Variants in TRAPPC12 observed in about 807,000 individuals in gnomAD.
TRAPPC12 encodes TPR repeat protein 15.
TRAPPC12 carries 61 observed loss-of-function variants against 69.2 expected under a neutral mutation model. The observed-to-expected ratio is 0.88, with a 90% CI of 0.72 to 1.09. TRAPPC12 has a LOEUF of 1.09. Among genes scored for constraint, TRAPPC12 ranks in the 50% least tolerant of loss-of-function variants. The pLI, the probability that TRAPPC12 is intolerant of heterozygous loss-of-function variation, is 0.00. For missense variants in TRAPPC12, 1,101 were observed against 1,016.4 expected (o/e 1.08, Z -1.13); for synonymous variants, 469 against 438.9 (o/e 1.07, Z -0.86).
At chr2:3,468,941 A>T (rs1005269688) in intron 9 of TRAPPC12, among the ~76,000 whole-genome samples, 31 of 152,000 alleles carry the variant, frequency 2.0e-4, no homozygotes, top group Admixed American at 1.7e-3. Context: ...TTGAACGGGG[A>T]CTCGAGTCCA....
intron 5 of TRAPPC12, among the ~76,000 whole-genome samples, chr2:3,429,479 A>G (rs762395906): frequency 6.6e-6 from 1 of 152,222 alleles, no homozygotes. Flanking sequence ...AAAGATAAGT[A>G]TATCTTAAAT....
chr2:3,383,871 G>GTTTTTTTTTTTTTTTTTTTTTTTTT (rs34956958), intron 1 of TRAPPC12, among the ~76,000 whole-genome samples: 5 of 85,596 alleles, frequency 5.8e-5, no homozygotes, highest in Admixed American at 1.5e-4. Flanking sequence ...GTTCAGTCTT[G>GTTTTTTTTTTTTTTTTTTTTTTTTT]TTTTTTTTTT....
Position 3,465,702 on chromosome 2 carries a change from G to A in TRAPPC12, c.1776+7G>A, listed in dbSNP as rs1006239716. On this transcript the variant is annotated splice_region_variant and intron_variant, in intron 9 of 11. Coordinates refer to ENST00000324266, the MANE Select transcript of TRAPPC12 (RefSeq NM_016030.6). ...CGGCCGGATTTCCCTGCAGGTACCTGTGCACGGTCAGACATGAGCCAGAAA... is the reference window on the plus strand; with the variant it reads ...CGGCCGGATTTCCCTGCAGGTACCTATGCACGGTCAGACATGAGCCAGAAA... 9.3e-6 allele frequency: 15 copies of A among 1,607,848 alleles called. No individual in the cohort carries two copies. Among genetic ancestry groups the A allele is most frequent in the Non-Finnish European group, 1.1e-5 (13 of 1,174,426 alleles).
At chr2:3,445,368 G>C (rs987911391) in intron 6 of TRAPPC12, among the ~76,000 whole-genome samples, 2 of 152,172 alleles carry the variant, frequency 1.3e-5, no homozygotes, top group Non-Finnish European at 2.9e-5. Context: ...CTGGGCAACA[G>C]AGCAAGACTC....
chr2:3,471,599 G>A (rs929935360), intron 9 of TRAPPC12, among the ~76,000 whole-genome samples: 1 of 152,214 alleles, frequency 6.6e-6, no homozygotes, highest in Non-Finnish European at 1.5e-5. Context: ...CAGTTCTGAA[G>A]GAAATCTGTG....
At chr2:3,462,983 G>A (rs1171703418) in intron 8 of TRAPPC12, 1 of 470,150 alleles carries the variant, frequency 2.1e-6, no homozygotes, top group Non-Finnish European at 4.4e-6. Flanking sequence ...TTGCAGAATG[G>A]TTGTAAATCT....
chr2:3,471,866 G>C (rs1224956809), intron 9 of TRAPPC12, among the ~76,000 whole-genome samples: 1 of 152,162 alleles, frequency 6.6e-6, no homozygotes, highest in Admixed American at 6.5e-5. Context: ...TGGGAAAGTA[G>C]CTGTGGTGCG....
At chr2:3,479,004 C>A in intron 11 of TRAPPC12, 71 bp downstream of exon 11, 1 of 1,528,608 alleles carries the variant, frequency 6.5e-7, no homozygotes, top group Non-Finnish European at 9.0e-7. Context: ...CACCCACACA[C>A]GTCTCAGCAG....
intron 6 of TRAPPC12, among the ~76,000 whole-genome samples, chr2:3,454,170 T>A (rs1157457650): frequency 6.6e-6 from 1 of 152,228 alleles, no homozygotes; most frequent in East Asian, 1.9e-4. Flanking sequence ...GTTTTGTGTG[T>A]CCCTCTGCCC....
intron 5 of TRAPPC12, among the ~76,000 whole-genome samples, chr2:3,428,601 TCATC>T (rs1396122172): frequency 6.6e-6 from 1 of 152,224 alleles, no homozygotes; most frequent in Non-Finnish European, 1.5e-5. Context: ...TAAAAAAAAT[TCATC>T]CAAGAAAGGA....
chr2:3,463,078 C>T (rs534531207), intron 8 of TRAPPC12: 30 of 406,774 alleles, frequency 7.4e-5, no homozygotes, highest in South Asian at 4.2e-4. Flanking sequence ...GGAAGTAAGT[C>T]ATTCATGTCC....
rs764520231 is a variant in TRAPPC12, at chr2:3,401,788, T to TAA, written c.1061_1062dup (p.Asp355LysfsTer3). On this transcript the variant is annotated frameshift_variant, in exon 3 of 12. Transcript: ENST00000324266. LOFTEE classifies it high-confidence loss of function. ...TCTATTCTTCCCAGGGAGATGCAGT[T>TAA]AAAGACTTGATGCTTCGCTTTCTGG... The TAA allele has an allele frequency of 6.3e-7, 1 of 1,586,240 alleles. No homozygotes were observed. The highest frequency in any genetic ancestry group is 1.2e-5 in the South Asian group (1 of 85,708).
At chr2:3,461,605 T>G (rs985899231) in intron 8 of TRAPPC12, among the ~76,000 whole-genome samples, 1 of 152,172 alleles carries the variant, frequency 6.6e-6, no homozygotes, top group Non-Finnish European at 1.5e-5. Context: ...TAAAGGAAAT[T>G]ACGGTTTTCA....
intron 3 of TRAPPC12, among the ~76,000 whole-genome samples, chr2:3,406,966 G>A (rs545983430): frequency 6.6e-6 from 1 of 152,318 alleles, no homozygotes; most frequent in Admixed American, 6.5e-5. Flanking sequence ...GGGAGCTTAC[G>A]TAAGGTGAAA....
chr2:3,456,970 C>A, intron 6 of TRAPPC12: 1 of 397,012 alleles, frequency 2.5e-6, no homozygotes, highest in Non-Finnish European at 4.9e-6. Context: ...ATCATAAACA[C>A]CACTTTCACC....
At position 3,465,666 on chromosome 2, in the gene TRAPPC12, C is replaced by G. The variant is rs750785909; in HGVS notation, c.1747C>G (p.Leu583Val). The G allele has an allele frequency of 6.2e-7, 1 of 1,614,204 alleles. No individual in the cohort carries two copies. Among genetic ancestry groups the G allele is most frequent in the South Asian group, 1.1e-5 (1 of 91,090 alleles). Residue 583 changes from leucine (L) to valine (V), a missense_variant, in exon 9 of 12, where the codon CTC becomes GTC. Transcript: ENST00000324266. ...TTACCCAGAGCAAGAGCCCCAGCTG[C>G]TCAGCGGCATCGGCCGGATTTCCCT... ...KYYPEQEPQLLSGIGRISLQI... is the reference protein window; with the variant it reads ...KYYPEQEPQLVSGIGRISLQI...
At chr2:3,477,836 C>T in intron 10 of TRAPPC12, 41 bp downstream of exon 10, 7 of 1,436,486 alleles carry the variant, frequency 4.9e-6, no homozygotes, top group Non-Finnish European at 5.7e-6. Context: ...CTCAAATTTC[C>T]CAGAGGCGTT....
chr2:3,421,601 C>A, intron 3 of TRAPPC12: 1 of 649,288 alleles, frequency 1.5e-6, no homozygotes, highest in Non-Finnish European at 2.9e-6. Flanking sequence ...AGCCTCTTCC[C>A]GATGTTCTAT....
intron 8 of TRAPPC12, among the ~76,000 whole-genome samples, 197 bp from the exon 9 acceptor site, chr2:3,465,400 C>T (rs1222175846): frequency 6.6e-6 from 1 of 152,182 alleles, no homozygotes; most frequent in Non-Finnish European, 1.5e-5. Context: ...CTCAGAATCC[C>T]GGCCCGACTG....
Sources: gnomAD v4.1 joint callset for allele counts (sites outside exome capture counted in the v4.1 genomes callset) on GRCh38, gnomAD v4.1.1 for gene constraint, MANE v1.5 for transcripts, NCBI Gene and HGNC (gene_info 2026-07-23, HGNC 2026-07-21) for gene names.